GIGYF2: variants seen among roughly 807,000 people sequenced by gnomAD.
The protein encoded by GIGYF2 is GRB10 interacting GYF protein 2.
Under a neutral mutation model 208.1 loss-of-function variants are expected in GIGYF2, and 25 were observed. That is an observed-to-expected ratio of 0.12 (90% CI 0.09 to 0.17). GIGYF2 has a LOEUF of 0.17. Ranked by LOEUF, GIGYF2 falls within the 10% of genes least tolerant of loss-of-function variation. The pLI is 1.00. For missense variants in GIGYF2, 1,302 were observed against 1,579.4 expected (o/e 0.82, Z 2.98); for synonymous variants, 534 against 543.8 (o/e 0.98, Z 0.25).
chr2:232,754,146 C>T (rs1439286348), intron 5 of GIGYF2, among the ~76,000 whole-genome samples: 1 of 147,458 alleles, frequency 6.8e-6, no homozygotes, highest in Non-Finnish European at 1.5e-5. Flanking sequence ...GCCTGGATGA[C>T]AGAGCAAGAC....
chr2:232,773,747 G>A (rs969812833), intron 8 of GIGYF2, among the ~76,000 whole-genome samples: 1 of 151,888 alleles, frequency 6.6e-6, no homozygotes, highest in Admixed American at 6.6e-5. Context: ...AAACTGATGT[G>A]AAGCCAGTGG....
chr2:232,842,349 A>G (rs1399668213), intron 23 of GIGYF2, among the ~76,000 whole-genome samples: 6 of 152,172 alleles, frequency 3.9e-5, no homozygotes, highest in African/African-American at 1.4e-4. Context: ...GAGCTACCAC[A>G]CCTGGCCCTG....
At chr2:232,846,653 A>G (rs1393402668) in intron 26 of GIGYF2, among the ~76,000 whole-genome samples, 1 of 127,530 alleles carries the variant, frequency 7.8e-6, no homozygotes, top group Non-Finnish European at 1.7e-5. Context: ...AATGGCTGCC[A>G]TGCATTAAGC....
intron 3 of GIGYF2, among the ~76,000 whole-genome samples, chr2:232,744,515 A>G (rs1214390492): frequency 1.3e-5 from 2 of 151,290 alleles, no homozygotes; most frequent in African/African-American, 4.9e-5. Flanking sequence ...TGTTGGAAAG[A>G]TTGTGTTTTT....
At chr2:232,760,643 A>G in intron 7 of GIGYF2, 52 bp downstream of exon 7, 2 of 1,217,840 alleles carry the variant, frequency 1.6e-6, no homozygotes, top group Admixed American at 1.8e-5. Flanking sequence ...TAAAACTTAT[A>G]TTTTTTGCTT....
chr2:232,708,485 A>G (rs952062608), intron 2 of GIGYF2, among the ~76,000 whole-genome samples: 6 of 152,072 alleles, frequency 3.9e-5, no homozygotes, highest in Non-Finnish European at 7.4e-5. Flanking sequence ...ATTGAGTACC[A>G]TATCAATATG....
intron 21 of GIGYF2, among the ~76,000 whole-genome samples, chr2:232,825,014 A>G (rs955836553): frequency 1.3e-5 from 2 of 152,230 alleles, no homozygotes; most frequent in Admixed American, 1.3e-4. Context: ...AGTGTGGTAT[A>G]TTGAATATTT....
rs1032464316 is a variant in GIGYF2 at position 232,704,818 on chromosome 2, A to G, written c.-44+1329A>G. ...TTTCATGTGGAAAATTTCATTGGTTATTTCCATTGATTGTTTTTTATAAAT... is the reference window on the plus strand; with the variant it reads ...TTTCATGTGGAAAATTTCATTGGTTGTTTCCATTGATTGTTTTTTATAAAT... On this transcript the variant is annotated intron_variant, in intron 2 of 28. Transcript: ENST00000373563. Among the ~76,000 whole-genome samples the G allele has an allele frequency of 6.2e-5, 8 of 128,712 alleles. No individual in the cohort carries two copies. The South Asian group carries it at 2.0e-3, about 32-fold the overall frequency. 84.4% of individuals were successfully genotyped at this position (128,712 alleles called of 152,430 possible). A position where few individuals can be genotyped will look rare whatever the true frequency, so the allele number is the denominator to read the frequency against.
chr2:232,754,173 GAAAA>G (rs1262026632), intron 5 of GIGYF2, among the ~76,000 whole-genome samples: 7 of 126,174 alleles, frequency 5.5e-5, no homozygotes, highest in Admixed American at 4.8e-4. Context: ...TCAAAAAAAA[GAAAA>G]AAAAAAAAGA....
At chr2:232,841,739 A>C (rs1024533527) in intron 23 of GIGYF2, among the ~76,000 whole-genome samples, 3 of 152,054 alleles carry the variant, frequency 2.0e-5, no homozygotes, top group African/African-American at 7.2e-5. Context: ...ATTTTATTTC[A>C]TTATCATCCC....
At chr2:232,736,356 C>G (rs934636601) in intron 3 of GIGYF2, 1 of 261,430 alleles carries the variant, frequency 3.8e-6, no homozygotes, top group African/African-American at 2.3e-5. Flanking sequence ...TTTCAACATC[C>G]ATGGTACACA....
rs184630975 is a variant in GIGYF2 at position 232,775,480 on chromosome 2, G to A, written c.533-11670G>A. 2.1e-3 allele frequency among the ~76,000 whole-genome samples: 327 copies of A among 152,212 alleles called. 3 individuals are homozygous for A. The highest frequency in any genetic ancestry group is 8.5e-3 in the Admixed American group (130 of 15,280). On this transcript the variant is annotated intron_variant, in intron 8 of 28. Transcript: ENST00000373563. ...TTTCTGTATAGTTTGATGTCTGCTCGTATGGTTTAAAAAATTATACTATTG... is the reference window on the plus strand; with the variant it reads ...TTTCTGTATAGTTTGATGTCTGCTCATATGGTTTAAAAAATTATACTATTG...
In GIGYF2 at chr2:232,781,807, T is replaced by A. The variant is rs757467771; in HGVS notation, c.533-5343T>A. The stretch of plus-strand genomic sequence containing the variant: ...TTATGAGTGAACCATTAAGAATCAC[T>A]TAGTGTAGAAATAAACCATGGGTTA... On this transcript the variant is annotated intron_variant, in intron 8 of 28. Transcript: ENST00000373563. 5.6e-4 allele frequency among the ~76,000 whole-genome samples: 85 copies of A among 152,204 alleles called. 1 individual carries two copies. Among genetic ancestry groups the A allele is most frequent in the Admixed American group, 3.2e-3 (49 of 15,282 alleles).
chr2:232,839,427 G>A (rs1408313239), intron 22 of GIGYF2, among the ~76,000 whole-genome samples: 5 of 152,132 alleles, frequency 3.3e-5, no homozygotes, highest in South Asian at 2.1e-4. Flanking sequence ...CTCAGAAATC[G>A]TGTCCTTAAC....
chr2:232,801,005 G>C (rs1220505636), intron 14 of GIGYF2, among the ~76,000 whole-genome samples: 2 of 152,082 alleles, frequency 1.3e-5, no homozygotes, highest in Admixed American at 1.3e-4. Context: ...AGCCACCCAA[G>C]TAGGTGGGAT....
chr2:232,788,682 A>C, intron 9 of GIGYF2: 1 of 382,018 alleles, frequency 2.6e-6, no homozygotes, highest in Non-Finnish European at 5.7e-6. Flanking sequence ...CCTCCCACCC[A>C]ACAACTTAGA....
At chr2:232,750,964 G>A (rs1698316883) in intron 5 of GIGYF2, among the ~76,000 whole-genome samples, 1 of 152,042 alleles carries the variant, frequency 6.6e-6, no homozygotes, top group African/African-American at 2.4e-5. Context: ...TGCATAGCTG[G>A]GAGTACAGGT....
intron 8 of GIGYF2, among the ~76,000 whole-genome samples, chr2:232,785,063 A>G: frequency 6.6e-6 from 1 of 150,672 alleles, no homozygotes; most frequent in Non-Finnish European, 1.5e-5. Context: ...CTGCAGAACC[A>G]CGAGCCAAAT....
In GIGYF2 at chr2:232,850,846, A is replaced by T. The variant is rs560550693; in HGVS notation, c.3832+437A>T. 3.0e-4 allele frequency among the ~76,000 whole-genome samples: 45 copies of T among 152,368 alleles called. 1 individual carries two copies. In the South Asian group the frequency reaches 9.1e-3, roughly 31 times the overall value. Reference sequence around the variant, plus strand: ...TATGTTCATAATCACTCTATGTATCATATAATTCTCAGAATTACTTTGCAT... The same window carrying T: ...TATGTTCATAATCACTCTATGTATCTTATAATTCTCAGAATTACTTTGCAT... On this transcript the variant is annotated intron_variant, in intron 28 of 28. Transcript: ENST00000373563.
Sources: allele counts gnomAD v4.1 joint callset (sites outside exome capture counted in the v4.1 genomes callset), GRCh38; gene constraint gnomAD v4.1.1; transcripts MANE v1.5; gene names NCBI Gene and HGNC (gene_info 2026-07-23, HGNC 2026-07-21).